The following NAV2 variants were observed in gnomAD, a reference collection of about 807,000 sequenced individuals.
The protein encoded by NAV2 is helicase, APC down-regulated 1.
A neutral mutation model predicts 223.2 loss-of-function variants in NAV2; 54 were observed. The observed-to-expected ratio is 0.24, with a 90% CI of 0.19 to 0.30. The LOEUF is 0.30. Among genes scored for constraint, NAV2 ranks in the 10% least tolerant of loss-of-function variants. The probability of loss-of-function intolerance (pLI) is 1.00; values close to 1 mark genes in which losing one functional copy is unlikely to be tolerated. For synonymous variants in NAV2, 1,279 were observed against 1,239.3 expected (o/e 1.03, Z -0.67); for missense variants, 2,806 against 3,147.5 (o/e 0.89, Z 2.60).
At chr11:19,967,437 CA>C (rs1162006488) in intron 10 of NAV2, among the ~76,000 whole-genome samples, 9 of 151,898 alleles carry the variant, frequency 5.9e-5, no homozygotes, top group African/African-American at 2.2e-4. Flanking sequence ...GTGCAGGATT[CA>C]AAACCCAAAA....
At chr11:19,930,166 G>A (rs920470509) in intron 6 of NAV2, among the ~76,000 whole-genome samples, 1 of 152,074 alleles carries the variant, frequency 6.6e-6, no homozygotes. Flanking sequence ...TCCTAGTGAA[G>A]CACAACAGTA....
intron 1 of NAV2, among the ~76,000 whole-genome samples, chr11:19,791,523 A>G (rs2057520393): frequency 2.0e-5 from 3 of 152,118 alleles, no homozygotes. Context: ...CATGAGAGAG[A>G]CCTCATCCCA....
upstream of NAV2, among the ~76,000 whole-genome samples, chr11:19,350,327 C>G (rs908069540): frequency 2.6e-4 from 40 of 152,144 alleles, no homozygotes; most frequent in Admixed American, 2.6e-3. Flanking sequence ...CAAATCTGTA[C>G]TTTTCTACAA....
intron 1 of NAV2, among the ~76,000 whole-genome samples, chr11:19,734,378 G>A (rs1049536273): frequency 6.6e-6 from 1 of 152,214 alleles, no homozygotes; most frequent in Non-Finnish European, 1.5e-5. Context: ...AGTGCAAGGG[G>A]AATTGCTTAA....
At chr11:19,798,742 C>G (rs944931715) in intron 1 of NAV2, among the ~76,000 whole-genome samples, 3 of 152,076 alleles carry the variant, frequency 2.0e-5, no homozygotes, top group Non-Finnish European at 4.4e-5. Context: ...TAGAGAAAAA[C>G]CGAGGTTCTG....
intron 16 of NAV2, among the ~76,000 whole-genome samples, chr11:20,050,816 C>G (rs1256358249): frequency 6.6e-6 from 1 of 152,214 alleles, no homozygotes; most frequent in Non-Finnish European, 1.5e-5. Context: ...CTGCTGGCCT[C>G]TTGAAACCTC....
chr11:19,931,112 A>T (rs961349070), intron 6 of NAV2, among the ~76,000 whole-genome samples: 1 of 152,292 alleles, frequency 6.6e-6, no homozygotes, highest in East Asian at 1.9e-4. Context: ...CACTCTTAAA[A>T]TAGGGGCAGG....
intron 1 of NAV2, among the ~76,000 whole-genome samples, chr11:19,626,063 CT>C (rs1208965958): frequency 2.6e-5 from 4 of 152,036 alleles, no homozygotes; most frequent in Non-Finnish European, 4.4e-5. Flanking sequence ...TTTATTTTTG[CT>C]TTGGTTGCCT....
At chr11:19,870,342 C>G (rs1328521753) in intron 4 of NAV2, among the ~76,000 whole-genome samples, 1 of 152,124 alleles carries the variant, frequency 6.6e-6, no homozygotes, top group African/African-American at 2.4e-5. Flanking sequence ...CTTGTGCTGG[C>G]TGGTAGGTGG....
At position 19,544,042 on chromosome 11, in the gene NAV2, C is replaced by T. The variant is rs140771211; in HGVS notation, c.75+193015C>T. ...CAACATGATTTGCACTGTATTCATT[C>T]AAATAATATTATTGAGCATCTTATG... On this transcript the variant is annotated intron_variant, in intron 1 of 37. Coordinates refer to the NAV2 transcript ENST00000360655. Among the ~76,000 whole-genome samples, 922 of 152,302 alleles carry T rather than the reference C, an allele frequency of 6.1e-3. 10 individuals carry two copies. The highest frequency in any genetic ancestry group is 0.021 in the African/African-American group (865 of 41,562).
intron 1 of NAV2, among the ~76,000 whole-genome samples, chr11:19,351,238 T>G (rs909111062): frequency 6.6e-6 from 1 of 152,152 alleles, no homozygotes; most frequent in Non-Finnish European, 1.5e-5. Context: ...GAAAAAAAAT[T>G]CAGTCCTGGC....
chr11:19,750,877 A>G (rs947077552), intron 1 of NAV2, among the ~76,000 whole-genome samples: 1 of 152,158 alleles, frequency 6.6e-6, no homozygotes, highest in Non-Finnish European at 1.5e-5. Flanking sequence ...TATATACTAT[A>G]CACTGTGCTA....
chr11:19,361,853 G>A (rs1317724145), intron 1 of NAV2, among the ~76,000 whole-genome samples: 2 of 152,242 alleles, frequency 1.3e-5, no homozygotes, highest in East Asian at 1.9e-4. Context: ...TTCCTATAGA[G>A]TCTCCAAATC....
intron 5 of NAV2, among the ~76,000 whole-genome samples, chr11:19,890,566 C>T (rs1283559428): frequency 6.6e-6 from 1 of 152,210 alleles, no homozygotes; most frequent in Non-Finnish European, 1.5e-5. Context: ...TGGAACAAGT[C>T]CATAATCCTT....
At chr11:19,741,528 T>C (rs1260312931) in intron 1 of NAV2, among the ~76,000 whole-genome samples, 1 of 144,814 alleles carries the variant, frequency 6.9e-6, no homozygotes, top group Non-Finnish European at 1.5e-5. Context: ...ATTCCACATA[T>C]AAGAGAGATC....
At chr11:19,381,272 C>A (rs189463265) in intron 1 of NAV2, among the ~76,000 whole-genome samples, 2 of 152,290 alleles carry the variant, frequency 1.3e-5, no homozygotes, top group East Asian at 3.9e-4. Context: ...GGACTTGGAG[C>A]TTTGTGAAGG....
In NAV2 at chr11:20,106,183, GTATATATATA is replaced by G. The variant is rs1182631250; in HGVS notation, c.6841+494_6841+503del. On this transcript the variant is annotated intron_variant, in intron 35 of 37. Transcript: ENST00000349880. ...TATATATATATATATATATGTGTGT[GTATATATATA>G]TATATATATATATATATATATATAT... is the stretch of plus-strand genomic sequence containing the variant. 5.3e-3 allele frequency among the ~76,000 whole-genome samples: 136 copies of G among 25,530 alleles called. 4 individuals are homozygous for G. The highest frequency in any genetic ancestry group is 9.9e-3 in the African/African-American group (96 of 9,700). The allele number at this position is 25,530 out of a possible 152,430, so 16.7% of individuals were successfully genotyped here.
chr11:19,414,542 A>G (rs1362888484), intron 1 of NAV2, among the ~76,000 whole-genome samples: 2 of 152,220 alleles, frequency 1.3e-5, no homozygotes, highest in Non-Finnish European at 2.9e-5. Flanking sequence ...TCAATGAGAC[A>G]GAAAATTAAC....
At chr11:20,022,628 T>C in intron 11 of NAV2, 5 of 988,326 alleles carry the variant, frequency 5.1e-6, no homozygotes, top group Non-Finnish European at 6.0e-6. Flanking sequence ...TCAATGATTT[T>C]TGCATCATTA....
Sources: allele counts gnomAD v4.1 joint callset (sites outside exome capture counted in the v4.1 genomes callset), GRCh38; gene constraint gnomAD v4.1.1; transcripts MANE v1.5; gene names NCBI Gene and HGNC (gene_info 2026-07-23, HGNC 2026-07-21).